Variants in PPP2R5E observed in about 807,000 individuals in gnomAD.
PPP2R5E encodes protein phosphatase 2 regulatory subunit B'epsilon.
In PPP2R5E, 4 loss-of-function variants were observed where a neutral mutation model predicts 65.3. That is an observed-to-expected ratio of 0.06 (90% CI 0.03 to 0.14). The LOEUF is 0.14. Among genes scored for constraint, PPP2R5E ranks in the 10% least tolerant of loss-of-function variants. PPP2R5E has a pLI of 1.00. For synonymous variants in PPP2R5E, 183 were observed against 187.4 expected, an observed-to-expected ratio of 0.98 and a Z score of 0.19; for missense variants, 274 against 556.1, an observed-to-expected ratio of 0.49 and a Z score of 5.10.
At chr14:63,502,382 A>AT (rs1249153762) in intron 2 of PPP2R5E, among the ~76,000 whole-genome samples, 1 of 152,144 alleles carries the variant, frequency 6.6e-6, no homozygotes, top group Admixed American at 6.5e-5. Flanking sequence ...GGCATAATGA[A>AT]AACACTCCCA....
chr14:63,388,824 A>C (rs2139770621), intron 11 of PPP2R5E, among the ~76,000 whole-genome samples: 1 of 152,360 alleles, frequency 6.6e-6, no homozygotes, highest in East Asian at 1.9e-4. Context: ...GCTAAGAACC[A>C]CAGTCTGAAC....
chr14:63,380,226 A>C (rs1279514551), intron 13 of PPP2R5E, among the ~76,000 whole-genome samples: 1 of 152,234 alleles, frequency 6.6e-6, no homozygotes, highest in Non-Finnish European at 1.5e-5. Context: ...TGTTATGCAC[A>C]AAGCACCTTT....
At chr14:63,380,984 T>C (rs1276118901) in intron 13 of PPP2R5E, among the ~76,000 whole-genome samples, 1 of 152,078 alleles carries the variant, frequency 6.6e-6, no homozygotes, top group Admixed American at 6.6e-5. Context: ...AGACCCTGGG[T>C]ATGAACACTC....
intron 11 of PPP2R5E, among the ~76,000 whole-genome samples, chr14:63,388,768 G>A (rs1884830638): frequency 6.6e-6 from 1 of 152,166 alleles, no homozygotes; most frequent in Non-Finnish European, 1.5e-5. Flanking sequence ...GACAGCTTAG[G>A]GAAAAAGTCC....
chr14:63,374,836 T>C lies in PPP2R5E; in HGVS notation c.*1173A>G, dbSNP rs904567673. The C allele has an allele frequency of 3.3e-5, 5 of 152,194 alleles. No homozygotes were observed. Among genetic ancestry groups the C allele is most frequent in the African/African-American group, 1.2e-4 (5 of 41,256 alleles). 9.4% of individuals were successfully genotyped at this position (152,194 alleles called of 1,614,324 possible). A position where few individuals can be genotyped will look rare whatever the true frequency, so the allele number is the denominator to read the frequency against. ...TTGTAGAACCACTTTTGGTAACAAA[T>C]ACAGTAGTTAGGAATATGCATCCAA... On this transcript the variant is annotated 3_prime_UTR_variant, in exon 14 of 14. Transcript: ENST00000337537.
At chr14:63,524,933 C>T (rs754767760) in intron 2 of PPP2R5E, among the ~76,000 whole-genome samples, 13 of 152,214 alleles carry the variant, frequency 8.5e-5, no homozygotes, top group South Asian at 4.1e-4. Flanking sequence ...CACAGTATGA[C>T]CAAGATTGCG....
At position 63,422,498 on chromosome 14, in the gene PPP2R5E, G is replaced by C. The variant is rs536295122; in HGVS notation, c.355-404C>G. ...TCCCAGCACTTTGGGAGGCCAAGGT[G>C]GGGGGATCACGAGGTCAGGAGATCG... On this transcript the variant is annotated intron_variant, in intron 3 of 13. Coordinates refer to ENST00000337537, the MANE Select transcript of PPP2R5E (RefSeq NM_006246.5). 5.3e-5 allele frequency among the ~76,000 whole-genome samples: 8 copies of C among 152,176 alleles called. No individual in the cohort carries two copies. In the South Asian group the frequency reaches 6.2e-4, roughly 12 times the overall value.
intron 2 of PPP2R5E, among the ~76,000 whole-genome samples, chr14:63,482,039 T>TA (rs1890729194): frequency 6.6e-6 from 1 of 152,232 alleles, no homozygotes; most frequent in Admixed American, 6.5e-5. Context: ...GTCAACATTT[T>TA]AAAATATCCT....
At chr14:63,512,373 A>G (rs1341327603) in intron 2 of PPP2R5E, among the ~76,000 whole-genome samples, 1 of 152,226 alleles carries the variant, frequency 6.6e-6, no homozygotes, top group Non-Finnish European at 1.5e-5. Context: ...GGACAAACAT[A>G]CATACCACAA....
chr14:63,506,140 G>C (rs1892161652), intron 2 of PPP2R5E, among the ~76,000 whole-genome samples: 1 of 152,008 alleles, frequency 6.6e-6, no homozygotes, highest in African/African-American at 2.4e-5. Context: ...AATATAAAAA[G>C]AATTCTTCAC....
At chr14:63,501,432 T>G (rs1462698587) in intron 2 of PPP2R5E, among the ~76,000 whole-genome samples, 2 of 149,790 alleles carry the variant, frequency 1.3e-5, no homozygotes, top group African/African-American at 2.5e-5. Flanking sequence ...AAAATGTTAA[T>G]AAGATATAAT....
At chr14:63,536,027 T>G (rs1893658843) in intron 2 of PPP2R5E, among the ~76,000 whole-genome samples, 1 of 152,240 alleles carries the variant, frequency 6.6e-6, no homozygotes, top group Non-Finnish European at 1.5e-5. Flanking sequence ...GGATTTCTAA[T>G]TTATAGAATA....
intron 5 of PPP2R5E, among the ~76,000 whole-genome samples, chr14:63,402,061 ACAT>A (rs754653811): frequency 3.3e-5 from 5 of 151,864 alleles, no homozygotes; most frequent in African/African-American, 4.9e-5. Context: ...AATCTTGGAG[ACAT>A]CATACACGTT....
intron 3 of PPP2R5E, among the ~76,000 whole-genome samples, chr14:63,442,177 G>A (rs956002040): frequency 1.3e-5 from 2 of 152,018 alleles, no homozygotes; most frequent in Non-Finnish European, 2.9e-5. Context: ...AAATGTCTTT[G>A]GGAGATCTCA....
At chr14:63,434,091 A>G (rs563475591) in intron 3 of PPP2R5E, among the ~76,000 whole-genome samples, 15 of 152,230 alleles carry the variant, frequency 9.9e-5, no homozygotes, top group Non-Finnish European at 2.1e-4. Context: ...CATGGGTTCA[A>G]TATACCCTAT....
intron 2 of PPP2R5E, among the ~76,000 whole-genome samples, chr14:63,455,471 G>A (rs1477816030): frequency 1.3e-5 from 2 of 152,112 alleles, no homozygotes; most frequent in Non-Finnish European, 2.9e-5. Context: ...TTATTAACCA[G>A]TGAGTTTCCC....
At chr14:63,400,587 T>C (rs1445448022) in intron 5 of PPP2R5E, among the ~76,000 whole-genome samples, 2 of 149,462 alleles carry the variant, frequency 1.3e-5, no homozygotes, top group Non-Finnish European at 3.0e-5. Flanking sequence ...TTGCTGGACA[T>C]ACACATTGTT....
rs1402490237 is a variant in PPP2R5E at position 63,415,111 on chromosome 14, AAT to A, written c.549+27_549+28del. 10 of 1,480,250 alleles carry A rather than the reference AAT, an allele frequency of 6.8e-6. No individual in the cohort carries two copies. The Admixed American group carries it at 1.4e-4, about 20-fold the overall frequency. The allele number at this position is 1,480,250 out of a possible 1,614,324, so 91.7% of individuals were successfully genotyped here. A position where few individuals can be genotyped will look rare whatever the true frequency, so the allele number is the denominator to read the frequency against. Reference sequence around the variant, plus strand: ...GAGATAAAGTGTTAACTGGATGACAAATACACACAACCACAATAATTTGCTTA... The same window carrying A: ...GAGATAAAGTGTTAACTGGATGACAAACACACAACCACAATAATTTGCTTA... On this transcript the variant is annotated intron_variant, in intron 5 of 13. Coordinates refer to ENST00000337537, the MANE Select transcript of PPP2R5E (RefSeq NM_006246.5).
At chr14:63,522,618 C>A (rs931261855) in intron 2 of PPP2R5E, among the ~76,000 whole-genome samples, 3 of 140,002 alleles carry the variant, frequency 2.1e-5, no homozygotes, top group Non-Finnish European at 4.8e-5. Flanking sequence ...ATGTGAGGAG[C>A]GCCTCTACCC....
Sources: allele counts gnomAD v4.1 joint callset (sites outside exome capture counted in the v4.1 genomes callset), GRCh38; gene constraint gnomAD v4.1.1; transcripts MANE v1.5; gene names NCBI Gene and HGNC (gene_info 2026-07-23, HGNC 2026-07-21).